IL1RAPL1: variants seen among roughly 807,000 people sequenced by gnomAD.
The protein encoded by IL1RAPL1 is interleukin-1 receptor accessory protein-like 1.
IL1RAPL1 carries 3 observed loss-of-function variants against 48.4 expected under a neutral mutation model. The observed-to-expected ratio is 0.06, with a 90% CI of 0.03 to 0.16. IL1RAPL1 has a LOEUF of 0.16. Ranked by LOEUF, IL1RAPL1 falls within the 10% of genes least tolerant of loss-of-function variation. The pLI is 1.00. For synonymous variants in IL1RAPL1, 185 were observed against 187.7 expected (o/e 0.99, Z 0.12); for missense variants, 349 against 530.6 (o/e 0.66, Z 3.36).
At chrX:29,933,438 A>C (rs1932979435) in intron 8 of IL1RAPL1, among the ~76,000 whole-genome samples, 2 of 111,547 alleles carry the variant, frequency 1.8e-5, no homozygotes, top group African/African-American at 6.5e-5. Flanking sequence ...TGCTATAATT[A>C]TACCTTATCA....
In IL1RAPL1 at chrX:28,779,630, GTGTGTATA is replaced by G. The variant is rs1370970019; in HGVS notation, c.-24-9688_-24-9681del. Among the ~76,000 whole-genome samples the G allele has an allele frequency of 8.8e-3, 539 of 61,027 alleles. 16 individuals carry two copies. Among genetic ancestry groups the G allele is most frequent in the African/African-American group, 0.032 (477 of 15,057 alleles). The allele number at this position is 61,027 out of a possible 115,157, so 53.0% of individuals were successfully genotyped here. A position where few individuals can be genotyped will look rare whatever the true frequency, so the allele number is the denominator to read the frequency against. On this transcript the variant is annotated intron_variant, in intron 1 of 10. Coordinates refer to ENST00000378993, the MANE Select transcript of IL1RAPL1 (RefSeq NM_014271.4). The stretch of plus-strand genomic sequence containing the variant: ...GAGTGATACTATTATGTGTGTGTGT[GTGTGTATA>G]TATATATATATATATATATATATAT...
rs2147686105 is a variant in IL1RAPL1, at chrX:29,396,459, T to G, written c.549+15T>G. 8.4e-7 allele frequency: 1 copy of G among 1,195,510 alleles called. No individual in the cohort carries two copies. The highest frequency in any genetic ancestry group is 3.0e-5 in the East Asian group (1 of 33,794). On this transcript the variant is annotated intron_variant, in intron 4 of 10. Transcript: ENST00000378993. ...TTTGGTACAAGGTATGGACTGCGGG[T>G]GGTTCTATTTCCTATTAACAAATTA...
At chrX:29,001,420 C>T (rs1230257621) in intron 2 of IL1RAPL1, among the ~76,000 whole-genome samples, 2 of 111,210 alleles carry the variant, frequency 1.8e-5, no homozygotes, top group Non-Finnish European at 3.8e-5. Flanking sequence ...CTAGATAGCC[C>T]AAGTCTTCTA....
chrX:29,821,307 G>A (rs867030006), intron 6 of IL1RAPL1, among the ~76,000 whole-genome samples: 4 of 109,879 alleles, frequency 3.6e-5, no homozygotes, highest in South Asian at 4.0e-4. Context: ...AAAATTAGCC[G>A]GGTGTGGTGG....
intron 2 of IL1RAPL1, among the ~76,000 whole-genome samples, chrX:28,943,610 A>G (rs1049994935): frequency 2.1e-4 from 23 of 109,427 alleles, no homozygotes; most frequent in African/African-American, 7.6e-4. Context: ...AAAACTCTTT[A>G]TTATTTTATC....
intron 1 of IL1RAPL1, among the ~76,000 whole-genome samples, chrX:28,693,488 G>T (rs1397610022): frequency 8.9e-6 from 1 of 112,195 alleles, no homozygotes; most frequent in Non-Finnish European, 1.9e-5. Context: ...GGGTTAAATT[G>T]TTGATTATTA....
chrX:29,079,506 G>A (rs994314267), intron 2 of IL1RAPL1, among the ~76,000 whole-genome samples: 3 of 109,994 alleles, frequency 2.7e-5, no homozygotes, highest in African/African-American at 6.6e-5. Context: ...AGAAAGAAAA[G>A]TAGGGTACAA....
intron 2 of IL1RAPL1, among the ~76,000 whole-genome samples, chrX:28,845,752 TAA>T (rs1921491974): frequency 2.7e-5 from 3 of 112,172 alleles, no homozygotes; most frequent in Non-Finnish European, 5.6e-5. Context: ...TTTATGAAGT[TAA>T]AAAGATTTTA....
At chrX:29,203,886 C>A (rs1260397537) in intron 2 of IL1RAPL1, among the ~76,000 whole-genome samples, 1 of 108,339 alleles carries the variant, frequency 9.2e-6, no homozygotes, top group Non-Finnish European at 1.9e-5. Context: ...TCTCTGGCAG[C>A]AAACATTCTA....
chrX:28,893,996 C>T (rs1014664003), intron 2 of IL1RAPL1, among the ~76,000 whole-genome samples: 18 of 111,889 alleles, frequency 1.6e-4, no homozygotes, highest in Non-Finnish European at 3.2e-4. Flanking sequence ...TCAGCATAAG[C>T]GTTGCCTAGA....
chrX:29,188,061 G>A (rs1602102920), intron 2 of IL1RAPL1, among the ~76,000 whole-genome samples: 1 of 111,712 alleles, frequency 9.0e-6, no homozygotes, highest in African/African-American at 3.3e-5. Flanking sequence ...AGTAAGCAGT[G>A]GGTCACCCAG....
In IL1RAPL1 at chrX:29,955,361, C is replaced by G; in HGVS notation, c.1632C>G (p.Cys544Trp). The change falls in exon 11 of 11, where the codon TGC becomes TGG. Residue 544 changes from cysteine to tryptophan, a missense_variant. Transcript: ENST00000378993. Reference protein sequence around the residue: ...LTVIKWHGPKCNKLNSKFWKR... With the variant: ...LTVIKWHGPKWNKLNSKFWKR... The stretch of plus-strand genomic sequence containing the variant: ...TCATTAAATGGCATGGACCAAAATG[C>G]AACAAGTTGAACTCCAAGTTCTGGA... The G allele has an allele frequency of 8.3e-7, 1 of 1,211,379 alleles. No homozygotes were observed. Among genetic ancestry groups the G allele is most frequent in the East Asian group, 3.0e-5 (1 of 33,826 alleles).
At chrX:29,645,558 T>C (rs1040583762) in intron 5 of IL1RAPL1, among the ~76,000 whole-genome samples, 2 of 111,107 alleles carry the variant, frequency 1.8e-5, no homozygotes, top group East Asian at 2.8e-4. Context: ...TACGGAGCCT[T>C]TAGAACCAAC....
intron 2 of IL1RAPL1, among the ~76,000 whole-genome samples, chrX:28,967,656 AC>A (rs1924953178): frequency 9.0e-6 from 1 of 111,507 alleles, no homozygotes; most frequent in Non-Finnish European, 1.9e-5. Context: ...CCTAGATCAA[AC>A]CATTCCTGAG....
intron 5 of IL1RAPL1, among the ~76,000 whole-genome samples, chrX:29,543,115 TTCTC>T (rs59836290): frequency 0.023 from 2,089 of 91,640 alleles, 59 homozygotes; most frequent in African/African-American, 0.072. Flanking sequence ...ATCTGTTCGT[TTCTC>T]TCTCTCTCTC....
chrX:29,242,129 C>T (rs1347519990), intron 2 of IL1RAPL1, among the ~76,000 whole-genome samples: 1 of 112,462 alleles, frequency 8.9e-6, no homozygotes, highest in Non-Finnish European at 1.9e-5. Flanking sequence ...CATATGATTA[C>T]ATACAGTATG....
At chrX:28,912,188 A>G (rs772441789) in intron 2 of IL1RAPL1, among the ~76,000 whole-genome samples, 3 of 109,488 alleles carry the variant, frequency 2.7e-5, no homozygotes, top group African/African-American at 1.0e-4. Context: ...AGGCAATTCA[A>G]GAAAAAGAGC....
intron 5 of IL1RAPL1, among the ~76,000 whole-genome samples, chrX:29,627,300 A>G (rs1362792083): frequency 8.9e-6 from 1 of 112,405 alleles, no homozygotes; most frequent in Non-Finnish European, 1.9e-5. Flanking sequence ...CGGCATTGAT[A>G]ATCGGAAGGG....
At chrX:29,393,164 C>G (rs761701267) in intron 3 of IL1RAPL1, among the ~76,000 whole-genome samples, 1 of 65,831 alleles carries the variant, frequency 1.5e-5, no homozygotes, top group Non-Finnish European at 3.6e-5. Flanking sequence ...CTCGCTCTGT[C>G]GCCCAGGCTT....
Sources: allele counts gnomAD v4.1 joint callset (sites outside exome capture counted in the v4.1 genomes callset), GRCh38; gene constraint gnomAD v4.1.1; transcripts MANE v1.5; gene names NCBI Gene and HGNC (gene_info 2026-07-23, HGNC 2026-07-21).